The following UBN2 variants were observed in gnomAD, a reference collection of about 807,000 sequenced individuals.
UBN2 encodes the protein ubinuclein 2, also known as ubinuclein-2.
A neutral mutation model predicts 120.2 loss-of-function variants in UBN2; 35 were observed. That is an observed-to-expected ratio of 0.29 (90% CI 0.22 to 0.39). The LOEUF is 0.39. Ranked by LOEUF, UBN2 falls within the 10% of genes least tolerant of loss-of-function variation. The pLI, the probability that UBN2 is intolerant of heterozygous loss-of-function variation, is 1.00. For synonymous variants in UBN2, 661 were observed against 648.7 expected (o/e 1.02, Z -0.29); for missense variants, 1,693 against 1,663.2 (o/e 1.02, Z -0.31).
intron 2 of UBN2, among the ~76,000 whole-genome samples, chr7:139,242,970 G>A (rs1357923995): frequency 2.0e-5 from 3 of 152,174 alleles, no homozygotes; most frequent in Non-Finnish European, 4.4e-5. Flanking sequence ...CTCACTTATA[G>A]GACTGGTGTG....
intron 6 of UBN2, among the ~76,000 whole-genome samples, chr7:139,265,736 G>C (rs911972303): frequency 1.3e-5 from 2 of 152,076 alleles, no homozygotes; most frequent in African/African-American, 4.8e-5. Context: ...AGAGCCTAGA[G>C]GGATTTGAGG....
At chr7:139,311,505 C>T (rs1798446320), downstream of UBN2, among the ~76,000 whole-genome samples, 1 of 152,190 alleles carries the variant, frequency 6.6e-6, no homozygotes, top group South Asian at 2.1e-4. Context: ...CCTTTCAAGC[C>T]CATTTCCTCA....
intron 2 of UBN2, among the ~76,000 whole-genome samples, chr7:139,241,554 A>G (rs1290652721): frequency 6.6e-6 from 1 of 152,226 alleles, no homozygotes; most frequent in Non-Finnish European, 1.5e-5. Flanking sequence ...AAGAAGGGTA[A>G]GGGTAGATTT....
At chr7:139,319,976 C>T in the UBN2 span, among the ~76,000 whole-genome samples, 40 of 150,712 alleles carry the variant, frequency 2.7e-4, no homozygotes, top group African/African-American at 7.3e-4. Flanking sequence ...CTCCGGAGGC[C>T]AAGGCAGGAG....
chr7:139,259,403 CGTCACAGTCT>C, intron 5 of UBN2, 33 bp downstream of exon 5: 1 of 1,608,808 alleles, frequency 6.2e-7, no homozygotes, highest in Non-Finnish European at 8.5e-7. Flanking sequence ...AGGGAACTGG[CGTCACAGTCT>C]GACTGTCTCT....
chr7:139,284,932 A>G (rs749194600), intron 15 of UBN2, among the ~76,000 whole-genome samples: 9 of 152,208 alleles, frequency 5.9e-5, no homozygotes, highest in Non-Finnish European at 1.2e-4. Flanking sequence ...CAAAGTCCAG[A>G]ACAAAGTAGT....
At chr7:139,253,914 G>A (rs1371766497) in intron 3 of UBN2, among the ~76,000 whole-genome samples, 1 of 152,106 alleles carries the variant, frequency 6.6e-6, no homozygotes, top group Non-Finnish European at 1.5e-5. Flanking sequence ...TTATAAAGTT[G>A]ATGACAGAAC....
At chr7:139,274,828 C>T (rs1300577646) in intron 11 of UBN2, among the ~76,000 whole-genome samples, 2 of 151,080 alleles carry the variant, frequency 1.3e-5, no homozygotes, top group Non-Finnish European at 2.9e-5. Context: ...TGGTTCACAC[C>T]TGTAATCTCA....
At position 139,231,948 on chromosome 7, in the gene UBN2, A is replaced by C; in HGVS notation, c.464A>C (p.Gln155Pro). The change falls in exon 1 of 18, where the codon CAA (glutamine) becomes CCA (proline). Residue 155 changes from glutamine to proline, a missense_variant. Transcript: ENST00000473989. ...SYPELLLCGE[Q>P]RKKLIHTEDP... is the part of the protein sequence containing the mutation. Reference sequence around the variant, plus strand: ...CCGGAGCTGCTGCTGTGCGGAGAACAACGGGTACAGAAGATTCTTCCCTCC... The same window carrying C: ...CCGGAGCTGCTGCTGTGCGGAGAACCACGGGTACAGAAGATTCTTCCCTCC... 1 of 1,579,808 alleles carries C rather than the reference A, an allele frequency of 6.3e-7. No individual in the cohort carries two copies. Among genetic ancestry groups the C allele is most frequent in the Non-Finnish European group, 8.5e-7 (1 of 1,169,824 alleles).
rs1033293189 is a variant in UBN2 at position 139,298,457 on chromosome 7, T to G, written c.*621T>G. The G allele has an allele frequency of 1.3e-5, 2 of 152,188 alleles. No individual in the cohort carries two copies. Among genetic ancestry groups the G allele is most frequent in the African/African-American group, 4.8e-5 (2 of 41,430 alleles). The allele number at this position is 152,188 out of a possible 1,614,324, so 9.4% of individuals were successfully genotyped here. ...GTGGACTAAAGATCCTTCAGGAAAGTTATTTTAGCACAGTGATATATATTA... is the reference window on the plus strand; with the variant it reads ...GTGGACTAAAGATCCTTCAGGAAAGGTATTTTAGCACAGTGATATATATTA... On this transcript the variant is annotated 3_prime_UTR_variant, in exon 18 of 18. Transcript: ENST00000473989.
At position 139,231,763 on chromosome 7, in the gene UBN2, C is replaced by G. The variant is rs1055556788; in HGVS notation, c.279C>G (p.Pro93=). 8 of 1,244,204 alleles carry G rather than the reference C, an allele frequency of 6.4e-6. No individual in the cohort carries two copies. The African/African-American group carries it at 8.0e-5, about 12-fold the overall frequency. 77.1% of individuals were successfully genotyped at this position (1,244,204 alleles called of 1,614,324 possible). A position where few individuals can be genotyped will look rare whatever the true frequency, so the allele number is the denominator to read the frequency against. Residue 93 remains proline, a synonymous_variant, in exon 1 of 18, where the codon CCC becomes CCG. Coordinates refer to ENST00000473989, the MANE Select transcript of UBN2 (RefSeq NM_173569.4). The part of the protein sequence containing the change: ...PMSLQREPPR[P]EPPPPFPPLP... ...CGCTGCAGCGGGAGCCCCCGCGGCCCGAGCCGCCGCCGCCGTTCCCGCCGC... is the reference window on the plus strand; with the variant it reads ...CGCTGCAGCGGGAGCCCCCGCGGCCGGAGCCGCCGCCGCCGTTCCCGCCGC...
chr7:139,283,623 T>G lies in UBN2; in HGVS notation c.2718T>G (p.Ala906=), dbSNP rs554477388. The change falls in exon 15 of 18, where the codon GCT becomes GCG. Residue 906 remains alanine (A), a synonymous_variant. Coordinates refer to ENST00000473989, the MANE Select transcript of UBN2 (RefSeq NM_173569.4). ...HVSSSSQAQI[A]ASSHALGTSE... ...CCTCTTCTTCCCAAGCCCAAATTGC[T>G]GCCTCTTCTCATGCTCTGGGAACAT... 1.2e-6 allele frequency: 2 copies of G among 1,614,202 alleles called. No homozygotes were observed. The highest frequency in any genetic ancestry group is 3.3e-5 in the Admixed American group (2 of 60,024).
Position 139,231,698 on chromosome 7 carries a change from C to T in UBN2, c.214C>T (p.Leu72Phe), listed in dbSNP as rs1796015616. 2 of 1,179,130 alleles carry T rather than the reference C, an allele frequency of 1.7e-6. No homozygotes were observed. The highest frequency in any genetic ancestry group is 2.1e-6 in the Non-Finnish European group (2 of 957,270). The allele number at this position is 1,179,130 out of a possible 1,614,324, so 73.0% of individuals were successfully genotyped here. Reference protein sequence around the residue: ...DAQPPSREKPLPQREVSRAEP... With the variant: ...DAQPPSREKPFPQREVSRAEP... Reference sequence around the variant, plus strand: ...GCAGCCCCCGTCGCGGGAGAAGCCGCTCCCCCAGCGCGAGGTCAGCCGCGC... The same window carrying T: ...GCAGCCCCCGTCGCGGGAGAAGCCGTTCCCCCAGCGCGAGGTCAGCCGCGC... Residue 72 changes from leucine (L) to phenylalanine (F), a missense_variant, in exon 1 of 18, where the codon CTC (leucine) becomes TTC (phenylalanine). Coordinates refer to ENST00000473989, the MANE Select transcript of UBN2 (RefSeq NM_173569.4).
intron 15 of UBN2, among the ~76,000 whole-genome samples, 200 bp downstream of exon 15, chr7:139,284,774 A>AT (rs576758379): frequency 2.1e-4 from 31 of 147,064 alleles, no homozygotes; most frequent in East Asian, 4.0e-4. Flanking sequence ...TGGGATATGG[A>AT]TTTTTTTTTT....
intron 3 of UBN2, among the ~76,000 whole-genome samples, chr7:139,255,051 A>G (rs1336180891): frequency 2.0e-5 from 3 of 152,208 alleles, no homozygotes. Flanking sequence ...CCATGGTAGT[A>G]TCACACAGAA....
At chr7:139,256,770 G>A (rs1796777232) in intron 3 of UBN2, among the ~76,000 whole-genome samples, 1 of 152,178 alleles carries the variant, frequency 6.6e-6, no homozygotes, top group African/African-American at 2.4e-5. Flanking sequence ...GTAGATGTTT[G>A]TAGTAGATCT....
chr7:139,263,355 C>T (rs1796994341), intron 6 of UBN2, among the ~76,000 whole-genome samples: 1 of 152,092 alleles, frequency 6.6e-6, no homozygotes, highest in Admixed American at 6.5e-5. Context: ...ATAGCCCTAC[C>T]CTCAAGGAGC....
chr7:139,280,974 T>C (rs905000455), intron 13 of UBN2, among the ~76,000 whole-genome samples: 3 of 152,242 alleles, frequency 2.0e-5, no homozygotes, highest in Non-Finnish European at 4.4e-5. Context: ...TAGCCTACTT[T>C]GTCTTCTGAT....
intron 3 of UBN2, 49 bp downstream of exon 3, chr7:139,252,106 A>G (rs755125792): frequency 1.3e-6 from 2 of 1,494,390 alleles, no homozygotes; most frequent in African/African-American, 1.4e-5. Context: ...TTTGTATGGG[A>G]TAGTAGAAGT....
Sources: gnomAD v4.1 joint callset for allele counts (sites outside exome capture counted in the v4.1 genomes callset) on GRCh38, gnomAD v4.1.1 for gene constraint, MANE v1.5 for transcripts, NCBI Gene and HGNC (gene_info 2026-07-23, HGNC 2026-07-21) for gene names.